The following DHX32 variants were observed in gnomAD, a reference collection of about 807,000 sequenced individuals.
DHX32 encodes DEAH-box helicase 32 (putative).
In DHX32, 51 loss-of-function variants were observed where a neutral mutation model predicts 70.0. The ratio of observed to expected loss-of-function variants is 0.73; its 90% confidence interval spans 0.58 to 0.92. The LOEUF (loss-of-function observed/expected upper bound fraction) is 0.92. Among genes scored for constraint, DHX32 ranks in the 40% least tolerant of loss-of-function variants. The probability of loss-of-function intolerance (pLI) is 0.00; values close to 1 mark genes in which losing one functional copy is unlikely to be tolerated. For synonymous variants in DHX32, 310 were observed against 315.3 expected (o/e 0.98, Z 0.18); for missense variants, 762 against 891.8 (o/e 0.85, Z 1.85).
chr10:125,836,729 A>C lies in DHX32; in HGVS notation c.2190T>G (p.Cys730Trp). The change falls in exon 11 of 11, where the codon TGT becomes TGG. Residue 730 changes from cysteine (C) to tryptophan (W), a missense_variant. Cys to Trp is a radical substitution (Grantham distance 215, BLOSUM62 -2). Around this residue, in one of 3 missense-constraint regions of DHX32, gnomAD observed 366 missense variants for 402.6 expected, o/e 0.91. Transcript: ENST00000284690. ...VSTMNKEQQM[C>W]ETCPETEQRC... ...TCTGTTCAGTTTCAGGGCACGTCTC[A>C]CACATTTGCTGTTCCTTATTCATTG... 2 of 1,614,162 alleles carry C rather than the reference A, an allele frequency of 1.2e-6. No homozygotes were observed. The highest frequency in any genetic ancestry group is 1.1e-5 in the South Asian group (1 of 91,082).
At chr10:125,877,656 A>G (rs1425795390) in intron 1 of DHX32, among the ~76,000 whole-genome samples, 1 of 152,212 alleles carries the variant, frequency 6.6e-6, no homozygotes, top group Non-Finnish European at 1.5e-5. Context: ...ACTGCATTCC[A>G]GCCTGGGTGA....
chr10:125,866,499 T>C lies in DHX32; in HGVS notation c.476+491A>G, dbSNP rs1944220817. Reference sequence around the variant, plus strand: ...AAGCCCCACAGAGGGTTTTCTAATGTGTATTACTGGAGGGGCAGGGAAGCC... The same window carrying C: ...AAGCCCCACAGAGGGTTTTCTAATGCGTATTACTGGAGGGGCAGGGAAGCC... On this transcript the variant is annotated intron_variant, in intron 2 of 10. Coordinates refer to ENST00000284690, the MANE Select transcript of DHX32 (RefSeq NM_018180.3). The surrounding 1 kb of genome is among the most constrained non-coding windows in gnomAD (Gnocchi z 4.8). Among the ~76,000 whole-genome samples, 1 of 152,164 alleles carries C rather than the reference T, an allele frequency of 6.6e-6. No homozygotes were observed. The highest frequency in any genetic ancestry group is 1.5e-5 in the Non-Finnish European group (1 of 68,020).
intron 1 of DHX32, chr10:125,890,483 C>T (rs1253062583): frequency 2.0e-5 from 3 of 152,078 alleles, no homozygotes; most frequent in Non-Finnish European, 4.4e-5. Context: ...AGACTTGTAA[C>T]GAGTTGATTG....
intron 6 of DHX32, 131 bp downstream of exon 6, chr10:125,852,162 C>G: frequency 8.6e-7 from 1 of 1,156,812 alleles, no homozygotes; most frequent in Non-Finnish European, 1.2e-6. Context: ...CAGGAAAATG[C>G]TTCAGTCCAA....
intron 1 of DHX32, among the ~76,000 whole-genome samples, chr10:125,894,768 T>A (rs1169415423): frequency 6.6e-6 from 1 of 152,424 alleles, no homozygotes; most frequent in African/African-American, 2.4e-5. Context: ...AGGTGTTTTT[T>A]AAATCACTAT....
At chr10:125,892,558 C>CT (rs1472376091) in intron 1 of DHX32, among the ~76,000 whole-genome samples, 1 of 152,262 alleles carries the variant, frequency 6.6e-6, no homozygotes, top group Non-Finnish European at 1.5e-5. Context: ...TAAACCACGG[C>CT]TTAGTTGTTC....
At chr10:125,853,268 C>G (rs769634451) in intron 4 of DHX32, 2 of 1,464,132 alleles carry the variant, frequency 1.4e-6, no homozygotes, top group African/African-American at 1.4e-5. Context: ...TTAGGAGGCT[C>G]ATAGTCTCCT....
rs759199060 is a variant in DHX32 at position 125,859,849 on chromosome 10, A to C, written c.603T>G (p.Leu201=). Residue 201 remains leucine (L), a synonymous_variant, in exon 3 of 11, where the codon CTT becomes CTG. Coordinates refer to ENST00000284690, the MANE Select transcript of DHX32 (RefSeq NM_018180.3). The part of the protein sequence containing the change: ...SIATDVLLGL[L]KDVLLARPEL... ...CTGGTCTTGCTAGTAAAACATCTTT[A>C]AGAAGTCCAAGTAACACATCAGTTG... 2 of 1,614,122 alleles carry C rather than the reference A, an allele frequency of 1.2e-6. No homozygotes were observed. Among genetic ancestry groups the C allele is most frequent in the South Asian group, 2.2e-5 (2 of 91,078 alleles).
intron 7 of DHX32, 198 bp downstream of exon 7, chr10:125,841,542 TTTC>T: frequency 1.4e-6 from 2 of 1,428,878 alleles, no homozygotes; most frequent in Non-Finnish European, 1.8e-6. Context: ...TTGAGTTAGT[TTTC>T]TTAAGATAAT....
intron 1 of DHX32, among the ~76,000 whole-genome samples, chr10:125,878,138 G>A (rs1944295385): frequency 6.6e-6 from 1 of 152,108 alleles, no homozygotes; most frequent in African/African-American, 2.4e-5. Flanking sequence ...ATCTAATGTT[G>A]GGGCTCAGGA....
chr10:125,892,340 C>T (rs1251722968), intron 1 of DHX32, among the ~76,000 whole-genome samples: 1 of 152,300 alleles, frequency 6.6e-6, no homozygotes, highest in African/African-American at 2.4e-5. Flanking sequence ...AGGCTCTCTA[C>T]CAATCTGTCA....
chr10:125,880,702 G>T lies in DHX32; in HGVS notation c.123C>A (p.Asn41Lys), dbSNP rs769773846. 2 of 1,614,156 alleles carry T rather than the reference G, an allele frequency of 1.2e-6. No homozygotes were observed. Among genetic ancestry groups the T allele is most frequent in the Admixed American group, 3.3e-5 (2 of 60,008 alleles). The change falls in exon 1 of 11, where the codon AAC (asparagine) becomes AAA (lysine). Residue 41 changes from asparagine to lysine, a missense_variant. By Grantham distance (94) the Asn-to-Lys change is moderately conservative. Around this residue, in one of 3 missense-constraint regions of DHX32, gnomAD observed 394 missense variants for 473.1 expected, o/e 0.83. Coordinates refer to ENST00000284690, the MANE Select transcript of DHX32 (RefSeq NM_018180.3). ...ATGAATATGGCAATCCATCAAAGGGGTTAAGTTCCAAATCCTCACAGGCCA... is the reference window on the plus strand; with the variant it reads ...ATGAATATGGCAATCCATCAAAGGGTTTAAGTTCCAAATCCTCACAGGCCA... ...EVLACEDLEL[N>K]PFDGLPYSSR...
intron 9 of DHX32, 123 bp from the exon 10 acceptor site, chr10:125,838,510 C>T: frequency 1.1e-6 from 1 of 886,074 alleles, no homozygotes. Flanking sequence ...ACGTTTGCCA[C>T]TCATGTTTCC....
intron 2 of DHX32, among the ~76,000 whole-genome samples, chr10:125,863,652 TG>T: frequency 6.6e-6 from 1 of 152,260 alleles, no homozygotes; most frequent in African/African-American, 2.4e-5. Context: ...GGTTTCACCA[TG>T]TTAGCCAGGA....
chr10:125,852,179 G>A lies in DHX32; in HGVS notation c.1351+114C>T, dbSNP rs1385040426. 2.0e-5 allele frequency: 26 copies of A among 1,321,686 alleles called. 1 individual carries two copies. In the South Asian group the frequency reaches 2.7e-4, roughly 14 times the overall value. The allele number at this position is 1,321,686 out of a possible 1,614,324, so 81.9% of individuals were successfully genotyped here. On this transcript the variant is annotated intron_variant, in intron 6 of 10. Transcript: ENST00000284690. ...GGAAAATGCTTCAGTCCAAACCAAC[G>A]CCCCCTCCATGCTTGTGTGCATTGC...
chr10:125,875,447 T>A (rs1264163053), intron 1 of DHX32, among the ~76,000 whole-genome samples: 2 of 152,094 alleles, frequency 1.3e-5, no homozygotes, highest in African/African-American at 2.4e-5. Context: ...GAAGCCACAT[T>A]GGGGGCAATT....
intron 6 of DHX32, among the ~76,000 whole-genome samples, chr10:125,843,691 A>G (rs931352544): frequency 2.6e-5 from 4 of 152,176 alleles, no homozygotes; most frequent in African/African-American, 7.2e-5. Context: ...AGGCATTAGA[A>G]GCCACTACTG....
chr10:125,875,191 C>G (rs1418887552), intron 1 of DHX32, among the ~76,000 whole-genome samples: 1 of 151,980 alleles, frequency 6.6e-6, no homozygotes, highest in Non-Finnish European at 1.5e-5. Flanking sequence ...TGCACTCCAG[C>G]CTGGGTGACA....
At chr10:125,837,542 G>A (rs904638558) in intron 10 of DHX32, among the ~76,000 whole-genome samples, 2 of 152,052 alleles carry the variant, frequency 1.3e-5, no homozygotes, top group Middle Eastern at 3.2e-3. Flanking sequence ...ATCCTCTGTC[G>A]CAGAATCTCA....
Sources: allele counts gnomAD v4.1 joint callset (sites outside exome capture counted in the v4.1 genomes callset), GRCh38; gene constraint gnomAD v4.1.1; regional missense constraint gnomAD v4.1.1; non-coding constraint Gnocchi (gnomAD v3.1); transcripts MANE v1.5; gene names NCBI Gene and HGNC (gene_info 2026-07-23, HGNC 2026-07-21).